The following PPFIA2 variants were observed in gnomAD, a reference collection of about 807,000 sequenced individuals.
PPFIA2 encodes the protein liprin-alpha-2.
PPFIA2 carries 46 observed loss-of-function variants against 175.5 expected under a neutral mutation model. The observed-to-expected ratio is 0.26, with a 90% confidence interval of 0.21 to 0.34. The LOEUF is 0.34. Among genes scored for constraint, PPFIA2 ranks in the 10% least tolerant of loss-of-function variants. The pLI is 1.00. For synonymous variants in PPFIA2, 568 were observed against 511.4 expected, an observed-to-expected ratio of 1.11 and a Z score of -1.49; for missense variants, 1,179 against 1,506.1, an observed-to-expected ratio of 0.78 and a Z score of 3.60.
At chr12:81,330,257 G>C (rs1156330306) in intron 21 of PPFIA2, among the ~76,000 whole-genome samples, 4 of 152,108 alleles carry the variant, frequency 2.6e-5, no homozygotes, top group Non-Finnish European at 5.9e-5. Flanking sequence ...GCAATCCCAT[G>C]CCAAAAAATA....
intron 4 of PPFIA2, among the ~76,000 whole-genome samples, chr12:81,533,739 ATATCTATCTAT>A (rs2064979044): frequency 1.9e-5 from 1 of 51,288 alleles, no homozygotes; most frequent in African/African-American, 1.1e-4. Flanking sequence ...ATCTATCTAT[ATATCTATCTAT>A]CTACATATAT....
At chr12:81,666,589 C>T (rs2070341843) in intron 4 of PPFIA2, among the ~76,000 whole-genome samples, 1 of 152,032 alleles carries the variant, frequency 6.6e-6, no homozygotes, top group African/African-American at 2.4e-5. Flanking sequence ...GGAAGGGGAA[C>T]ATCACACACC....
chr12:81,449,814 G>A, intron 5 of PPFIA2, among the ~76,000 whole-genome samples: 1 of 126,728 alleles, frequency 7.9e-6, no homozygotes, highest in Non-Finnish European at 1.6e-5. Context: ...GACAGGCCCT[G>A]GTGTGTGATG....
At chr12:81,276,541 C>A (rs530015719) in intron 28 of PPFIA2, among the ~76,000 whole-genome samples, 2 of 152,104 alleles carry the variant, frequency 1.3e-5, no homozygotes, top group African/African-American at 2.4e-5. Context: ...TGAAATTATT[C>A]TTTCTCGGGT....
intron 4 of PPFIA2, among the ~76,000 whole-genome samples, chr12:81,511,429 G>T (rs947993785): frequency 6.6e-6 from 1 of 151,866 alleles, no homozygotes; most frequent in African/African-American, 2.4e-5. Context: ...AATATCCATA[G>T]GTAAAATTGA....
At chr12:81,661,393 G>T (rs1214520911) in intron 4 of PPFIA2, among the ~76,000 whole-genome samples, 4 of 152,154 alleles carry the variant, frequency 2.6e-5, no homozygotes, top group Non-Finnish European at 5.9e-5. Context: ...GGCAGGGTTT[G>T]CAATCCTAGT....
intron 4 of PPFIA2, among the ~76,000 whole-genome samples, chr12:81,601,506 T>C (rs1387026931): frequency 6.6e-6 from 1 of 151,942 alleles, no homozygotes; most frequent in Non-Finnish European, 1.5e-5. Context: ...GATGGAAAAG[T>C]TTCTGTCTCA....
chr12:81,407,583 T>G (rs1219278810), intron 7 of PPFIA2, among the ~76,000 whole-genome samples: 1 of 152,096 alleles, frequency 6.6e-6, no homozygotes, highest in Non-Finnish European at 1.5e-5. Context: ...TAGCCAAAAT[T>G]TAAACTTCTT....
At chr12:81,356,034 T>C (rs2060804330) in intron 16 of PPFIA2, among the ~76,000 whole-genome samples, 1 of 152,230 alleles carries the variant, frequency 6.6e-6, no homozygotes, top group African/African-American at 2.4e-5. Flanking sequence ...ACTCAGCTTT[T>C]GACATGTCTT....
intron 21 of PPFIA2, among the ~76,000 whole-genome samples, chr12:81,327,272 T>C (rs972189697): frequency 6.6e-6 from 1 of 152,202 alleles, no homozygotes; most frequent in Admixed American, 6.5e-5. Context: ...TTTTAGTTAT[T>C]ATTCACATGT....
intron 3 of PPFIA2, among the ~76,000 whole-genome samples, chr12:81,703,034 T>A (rs1333044551): frequency 6.6e-6 from 1 of 152,158 alleles, no homozygotes; most frequent in Non-Finnish European, 1.5e-5. Flanking sequence ...TGTGGTATTT[T>A]GTTACAGCAG....
intron 2 of PPFIA2, among the ~76,000 whole-genome samples, chr12:81,754,688 TTGAA>T (rs2084367631): frequency 6.6e-6 from 1 of 152,344 alleles, no homozygotes; most frequent in East Asian, 1.9e-4. Context: ...AGTAAATGAC[TTGAA>T]TGACTTAGGT....
At chr12:81,403,464 G>C (rs899488304) in intron 8 of PPFIA2, among the ~76,000 whole-genome samples, 30 of 152,302 alleles carry the variant, frequency 2.0e-4, no homozygotes, top group African/African-American at 7.0e-4. Flanking sequence ...TGTTAGAGTA[G>C]GTAGTTAGGC....
rs60761301 is a variant in PPFIA2, at chr12:81,732,513, T to TAA, written c.249+21458_249+21459dup. On this transcript the variant is annotated intron_variant, in intron 3 of 32. Coordinates refer to ENST00000549396, the MANE Select transcript of PPFIA2 (RefSeq NM_003625.5). ...AAGAAATATGGATGATGTTTTTTTT[T>TAA]AAAAAAAAAAAAAAAACACTCACAC... is the stretch of plus-strand genomic sequence containing the variant. Among the ~76,000 whole-genome samples the TAA allele has an allele frequency of 3.1e-3, 415 of 133,950 alleles. 1 individual carries two copies. The highest frequency in any genetic ancestry group is 4.1e-3 in the African/African-American group (144 of 35,468). 87.9% of individuals were successfully genotyped at this position (133,950 alleles called of 152,430 possible). A position where few individuals can be genotyped will look rare whatever the true frequency, so the allele number is the denominator to read the frequency against.
chr12:81,362,021 CTAT>C (rs2030819928), intron 15 of PPFIA2, among the ~76,000 whole-genome samples: 1 of 148,194 alleles, frequency 6.7e-6, no homozygotes, highest in African/African-American at 2.5e-5. Context: ...ATCTATCTAT[CTAT>C]CTATCTATCT....
intron 7 of PPFIA2, chr12:81,430,161 TC>T (rs2047842644): frequency 6.6e-6 from 1 of 152,104 alleles, no homozygotes; most frequent in Non-Finnish European, 1.5e-5. Flanking sequence ...ATAGTTATCC[TC>T]CACTGTGCTG....
chr12:81,742,397 G>C (rs1333289408), intron 3 of PPFIA2, among the ~76,000 whole-genome samples: 1 of 152,156 alleles, frequency 6.6e-6, no homozygotes, highest in Admixed American at 6.5e-5. Context: ...GAGTTGCAGA[G>C]GTACTTATAG....
At chr12:81,323,259 T>A (rs530040098) in intron 22 of PPFIA2, among the ~76,000 whole-genome samples, 1 of 151,972 alleles carries the variant, frequency 6.6e-6, no homozygotes, top group African/African-American at 2.4e-5. Flanking sequence ...GACTAATGAA[T>A]CTCTGCTATG....
At chr12:81,719,586 CA>C (rs1342475786) in intron 3 of PPFIA2, among the ~76,000 whole-genome samples, 14 of 151,526 alleles carry the variant, frequency 9.2e-5, no homozygotes, top group Admixed American at 1.3e-4. Context: ...AAATTTAAGC[CA>C]AAGTGAAGCA....
Sources: allele counts gnomAD v4.1 joint callset (sites outside exome capture counted in the v4.1 genomes callset), GRCh38; gene constraint gnomAD v4.1.1; transcripts MANE v1.5; gene names NCBI Gene and HGNC (gene_info 2026-07-23, HGNC 2026-07-21).